SH3KBP1: variants seen among roughly 807,000 people sequenced by gnomAD.
SH3KBP1 encodes the protein SH3 domain containing kinase binding protein 1.
In SH3KBP1, 8 loss-of-function variants were observed where a neutral mutation model predicts 50.1. That is an observed-to-expected ratio of 0.16 (90% CI 0.09 to 0.29). The LOEUF is 0.29. SH3KBP1 is among the 10% of genes least tolerant of loss of function. The pLI, the probability that SH3KBP1 is intolerant of heterozygous loss-of-function variation, is 1.00. For missense variants in SH3KBP1, 377 were observed against 535.2 expected (o/e 0.70, Z 2.92); for synonymous variants, 227 against 218.6 (o/e 1.04, Z -0.34).
chrX:19,587,921 A>G (rs773087683), intron 12 of SH3KBP1, among the ~76,000 whole-genome samples: 2 of 112,589 alleles, frequency 1.8e-5, no homozygotes, highest in African/African-American at 6.4e-5. Context: ...ATATTTTCAT[A>G]TTATGGTAGA....
intron 1 of SH3KBP1, among the ~76,000 whole-genome samples, chrX:19,853,555 C>T (rs1008985077): frequency 1.8e-5 from 2 of 111,560 alleles, no homozygotes; most frequent in African/African-American, 3.3e-5. Context: ...AAATGGTAGA[C>T]AGCACAGAAG....
chrX:19,599,234 C>T lies in SH3KBP1; in HGVS notation c.1006-4234G>A, dbSNP rs775338676. Among the ~76,000 whole-genome samples the T allele has an allele frequency of 1.1e-4, 12 of 111,019 alleles. No individual in the cohort carries two copies. The South Asian group carries it at 3.8e-3, about 36-fold the overall frequency. Reference sequence around the variant, plus strand: ...CGACCTTGCCTCAAACCACAGGGCCCCAAATTTAAAAACGACAATTACAAG... The same window carrying T: ...CGACCTTGCCTCAAACCACAGGGCCTCAAATTTAAAAACGACAATTACAAG... On this transcript the variant is annotated intron_variant, in intron 9 of 17. Coordinates refer to ENST00000397821, the MANE Select transcript of SH3KBP1 (RefSeq NM_031892.3).
chrX:19,832,517 C>T (rs1878284667), intron 2 of SH3KBP1, among the ~76,000 whole-genome samples: 1 of 111,412 alleles, frequency 9.0e-6, no homozygotes. Context: ...AGGAAGCCCC[C>T]AGACCTGAAG....
At chrX:19,831,179 G>A (rs763966699) in intron 2 of SH3KBP1, among the ~76,000 whole-genome samples, 1 of 112,264 alleles carries the variant, frequency 8.9e-6, no homozygotes, top group Admixed American at 9.4e-5. Flanking sequence ...TATTCTGGGA[G>A]GCCGAGGCGG....
chrX:19,873,989 C>T (rs1490762038), intron 1 of SH3KBP1, among the ~76,000 whole-genome samples: 2 of 90,307 alleles, frequency 2.2e-5, no homozygotes, highest in Non-Finnish European at 4.1e-5. Context: ...GTAGAGGTTG[C>T]AGTGAGCCAA....
At chrX:19,632,448 C>T (rs181618163) in intron 7 of SH3KBP1, among the ~76,000 whole-genome samples, 1 of 112,798 alleles carries the variant, frequency 8.9e-6, no homozygotes, top group Admixed American at 9.4e-5. Flanking sequence ...CATTATGGTA[C>T]GTCTTAAGAG....
chrX:19,551,257 A>G (rs2147650426), intron 13 of SH3KBP1, among the ~76,000 whole-genome samples: 1 of 111,752 alleles, frequency 8.9e-6, no homozygotes, highest in East Asian at 2.8e-4. Flanking sequence ...AGGTATAACG[A>G]AAGGTTAACC....
chrX:19,754,549 C>T (rs2065153662), intron 2 of SH3KBP1, among the ~76,000 whole-genome samples: 4 of 111,553 alleles, frequency 3.6e-5, no homozygotes, highest in Admixed American at 1.9e-4. Flanking sequence ...TCTGTCATAA[C>T]CTCTGCCTCT....
intron 1 of SH3KBP1, among the ~76,000 whole-genome samples, chrX:19,857,258 G>A (rs941817077): frequency 1.6e-4 from 18 of 110,106 alleles, no homozygotes; most frequent in African/African-American, 4.6e-4. Context: ...GAGCAGAGAG[G>A]AAGTATAACT....
intron 9 of SH3KBP1, among the ~76,000 whole-genome samples, chrX:19,600,546 G>T (rs2067056421): frequency 8.9e-6 from 1 of 111,904 alleles, no homozygotes; most frequent in Non-Finnish European, 1.9e-5. Context: ...GACATGAAGA[G>T]ATCATTTAGT....
chrX:19,818,623 T>C (rs372472553), intron 2 of SH3KBP1, among the ~76,000 whole-genome samples: 1 of 111,726 alleles, frequency 9.0e-6, no homozygotes, highest in South Asian at 3.7e-4. Flanking sequence ...AGAGTTTTTA[T>C]CATGAATGGC....
intron 1 of SH3KBP1, among the ~76,000 whole-genome samples, chrX:19,883,938 C>T (rs748827854): frequency 7.2e-5 from 8 of 111,589 alleles, no homozygotes; most frequent in East Asian, 5.6e-4. Flanking sequence ...TCCTTAAACA[C>T]GCCCTCAAGC....
At chrX:19,635,537 T>A (rs189498399) in intron 7 of SH3KBP1, among the ~76,000 whole-genome samples, 29 of 110,358 alleles carry the variant, frequency 2.6e-4, no homozygotes, top group African/African-American at 9.6e-4. Context: ...TCCCGTTTTT[T>A]TTTTTTTAGA....
At chrX:19,642,017 T>C (rs995146930) in intron 7 of SH3KBP1, among the ~76,000 whole-genome samples, 2 of 110,479 alleles carry the variant, frequency 1.8e-5, no homozygotes, top group African/African-American at 6.6e-5. Flanking sequence ...ATTTTTTCTA[T>C]TTTTTGTAGA....
At chrX:19,853,141 T>C (rs1423815955) in intron 1 of SH3KBP1, among the ~76,000 whole-genome samples, 2 of 112,730 alleles carry the variant, frequency 1.8e-5, no homozygotes, top group African/African-American at 6.4e-5. Flanking sequence ...TGTATGTGTG[T>C]GTATGTGCGT....
intron 3 of SH3KBP1, among the ~76,000 whole-genome samples, chrX:19,738,387 G>A (rs556535654): frequency 3.5e-4 from 39 of 110,961 alleles, no homozygotes; most frequent in African/African-American, 1.2e-3. Context: ...CACGCTTGGT[G>A]CAAGGTCTCG....
chrX:19,702,690 CAAT>C (rs989804070), intron 4 of SH3KBP1, among the ~76,000 whole-genome samples: 7 of 110,859 alleles, frequency 6.3e-5, no homozygotes, highest in Admixed American at 4.8e-4. Context: ...GAAACAACAA[CAAT>C]GACAAAAACA....
intron 13 of SH3KBP1, among the ~76,000 whole-genome samples, chrX:19,565,124 C>G (rs1433512936): frequency 1.1e-5 from 1 of 90,951 alleles, no homozygotes; most frequent in Non-Finnish European, 2.1e-5. Flanking sequence ...TGCAGTGGTG[C>G]AATCTTGGCT....
At chrX:19,779,429 A>AT (rs751392909) in intron 2 of SH3KBP1, among the ~76,000 whole-genome samples, 103 of 104,669 alleles carry the variant, frequency 9.8e-4, no homozygotes, top group African/African-American at 1.7e-3. Flanking sequence ...ACAGCACTTT[A>AT]TTTTTTTTTT....
Sources: allele counts gnomAD v4.1 joint callset (sites outside exome capture counted in the v4.1 genomes callset), GRCh38; gene constraint gnomAD v4.1.1; transcripts MANE v1.5; gene names NCBI Gene and HGNC (gene_info 2026-07-23, HGNC 2026-07-21).